Variants in PRKG1 observed in about 807,000 individuals in gnomAD.
The protein encoded by PRKG1 is protein kinase cGMP-dependent 1, also known as cGMP-dependent protein kinase 1.
PRKG1 carries 35 observed loss-of-function variants against 88.1 expected under a neutral mutation model. That is an observed-to-expected ratio of 0.40 (90% CI 0.30 to 0.53). The LOEUF (loss-of-function observed/expected upper bound fraction) is 0.53, where lower values mean the gene tolerates loss of function less well. PRKG1 is among the 20% of genes least tolerant of loss of function. The probability of loss-of-function intolerance (pLI) is 0.59; values close to 1 mark genes in which losing one functional copy is unlikely to be tolerated. For synonymous variants in PRKG1, 303 were observed against 292.5 expected, an observed-to-expected ratio of 1.04 and a Z score of -0.37; for missense variants, 540 against 839.8, an observed-to-expected ratio of 0.64 and a Z score of 4.41.
intron 2 of PRKG1, among the ~76,000 whole-genome samples, chr10:51,172,195 C>CA (rs1367031166): frequency 6.6e-6 from 1 of 151,912 alleles, no homozygotes; most frequent in Non-Finnish European, 1.5e-5. Flanking sequence ...TCACCTATTC[C>CA]AAATTGCCTA....
chr10:51,480,922 G>C (rs1173755442), intron 3 of PRKG1, among the ~76,000 whole-genome samples: 3 of 151,994 alleles, frequency 2.0e-5, no homozygotes, highest in Non-Finnish European at 4.4e-5. Flanking sequence ...CTGGAGAATG[G>C]GGGAGGTGGT....
At chr10:52,162,768 A>G (rs955552234) in intron 9 of PRKG1, among the ~76,000 whole-genome samples, 3 of 152,198 alleles carry the variant, frequency 2.0e-5, no homozygotes, top group African/African-American at 7.2e-5. Context: ...GAACTAAAAT[A>G]TTAAGAATTA....
At chr10:52,052,815 A>G (rs909628022) in intron 5 of PRKG1, among the ~76,000 whole-genome samples, 4 of 152,118 alleles carry the variant, frequency 2.6e-5, no homozygotes, top group African/African-American at 9.7e-5. Context: ...GAAAGCTACA[A>G]TTTAAGATGA....
At chr10:51,292,782 A>G (rs1653602200) in intron 2 of PRKG1, among the ~76,000 whole-genome samples, 2 of 152,160 alleles carry the variant, frequency 1.3e-5, no homozygotes, top group South Asian at 4.1e-4. Context: ...ATTTATATCT[A>G]TAAACATACA....
At chr10:52,265,236 C>T (rs1020606674) in intron 10 of PRKG1, among the ~76,000 whole-genome samples, 2 of 151,980 alleles carry the variant, frequency 1.3e-5, no homozygotes, top group Admixed American at 6.6e-5. Flanking sequence ...CCTTCATCAC[C>T]GTTGTTCTGT....
chr10:51,134,666 C>T (rs1459704783), intron 1 of PRKG1, among the ~76,000 whole-genome samples: 2 of 152,078 alleles, frequency 1.3e-5, no homozygotes, highest in Non-Finnish European at 2.9e-5. Flanking sequence ...TCACAGAGAA[C>T]TATTTTTGAA....
At chr10:51,714,597 GT>G (rs911649028) in intron 3 of PRKG1, among the ~76,000 whole-genome samples, 6 of 152,168 alleles carry the variant, frequency 3.9e-5, no homozygotes, top group Non-Finnish European at 8.8e-5. Flanking sequence ...GAGGGATGTG[GT>G]AGGTCAAAAT....
intron 5 of PRKG1, among the ~76,000 whole-genome samples, chr10:51,979,165 G>T (rs1051878591): frequency 6.6e-6 from 1 of 151,842 alleles, no homozygotes; most frequent in Non-Finnish European, 1.5e-5. Flanking sequence ...AGTTTTGAAC[G>T]TGAAGAGATA....
chr10:52,155,516 C>T (rs12571523), intron 8 of PRKG1, among the ~76,000 whole-genome samples: 1,678 of 152,040 alleles, frequency 0.011, 28 homozygotes, highest in East Asian at 0.059. Context: ...TAGTTTTCCA[C>T]ACTTAACCAT....
intron 5 of PRKG1, among the ~76,000 whole-genome samples, chr10:52,034,788 G>A (rs1007990383): frequency 1.3e-5 from 2 of 152,086 alleles, no homozygotes; most frequent in Non-Finnish European, 2.9e-5. Context: ...AGTTTTTTGC[G>A]GCACAGTGTA....
chr10:51,216,615 T>C (rs1314986362), intron 2 of PRKG1, among the ~76,000 whole-genome samples: 1 of 152,214 alleles, frequency 6.6e-6, no homozygotes, highest in African/African-American at 2.4e-5. Flanking sequence ...ATAACTTTTC[T>C]TATAATAAAT....
intron 2 of PRKG1, among the ~76,000 whole-genome samples, chr10:51,397,590 T>A (rs1837614531): frequency 6.6e-6 from 1 of 152,208 alleles, no homozygotes; most frequent in African/African-American, 2.4e-5. Flanking sequence ...TTTTCTGACC[T>A]CCTTTGACTA....
Position 51,138,390 on chromosome 10 carries a change from A to G in PRKG1, c.312-14774A>G, listed in dbSNP as rs140061316. Among the ~76,000 whole-genome samples, 493 of 152,324 alleles carry G rather than the reference A, an allele frequency of 3.2e-3. 2 individuals are homozygous for G. Among genetic ancestry groups the G allele is most frequent in the African/African-American group, 0.01 (416 of 41,582 alleles). ...AGGGTAATGAGGCTTATATGATGCCAAATGAGTCAACATATGATTAATATT... is the reference window on the plus strand; with the variant it reads ...AGGGTAATGAGGCTTATATGATGCCGAATGAGTCAACATATGATTAATATT... On this transcript the variant is annotated intron_variant, in intron 1 of 17. Transcript: ENST00000373980.
intron 5 of PRKG1, among the ~76,000 whole-genome samples, chr10:51,914,837 G>C (rs1292533926): frequency 1.3e-5 from 2 of 152,118 alleles, no homozygotes; most frequent in Non-Finnish European, 2.9e-5. Flanking sequence ...CTATGGCACC[G>C]ATAAGGTCTT....
At chr10:51,629,418 G>A (rs1047803534) in intron 3 of PRKG1, among the ~76,000 whole-genome samples, 1 of 151,708 alleles carries the variant, frequency 6.6e-6, no homozygotes, top group African/African-American at 2.4e-5. Flanking sequence ...ATCACTGGGA[G>A]CTCTGAGCTT....
intron 7 of PRKG1, among the ~76,000 whole-genome samples, chr10:52,109,795 G>A (rs1021753080): frequency 2.7e-5 from 4 of 150,916 alleles, no homozygotes; most frequent in Admixed American, 2.0e-4. Flanking sequence ...ATGACTTTAT[G>A]TGTTAAAAAC....
At chr10:51,627,693 G>A (rs146803820) in intron 3 of PRKG1, among the ~76,000 whole-genome samples, 187 of 152,208 alleles carry the variant, frequency 1.2e-3, no homozygotes, top group Middle Eastern at 6.8e-3. Flanking sequence ...CAAATTTCTT[G>A]TTTCTAATCT....
intron 1 of PRKG1, among the ~76,000 whole-genome samples, chr10:51,039,571 A>T (rs1286098825): frequency 6.6e-6 from 1 of 151,682 alleles, no homozygotes; most frequent in Non-Finnish European, 1.5e-5. Flanking sequence ...TTTGCTGTGG[A>T]GAAGTTTTTG....
At chr10:51,840,629 C>T (rs530923187) in intron 4 of PRKG1, among the ~76,000 whole-genome samples, 28 of 152,084 alleles carry the variant, frequency 1.8e-4, no homozygotes, top group Non-Finnish European at 2.9e-4. Context: ...TCACTGGAAC[C>T]TCTGCCTCCT....
Sources: allele counts gnomAD v4.1 joint callset (sites outside exome capture counted in the v4.1 genomes callset), GRCh38; gene constraint gnomAD v4.1.1; transcripts MANE v1.5; gene names NCBI Gene and HGNC (gene_info 2026-07-23, HGNC 2026-07-21).